ROBO1: variants seen among roughly 807,000 people sequenced by gnomAD.
ROBO1 encodes the protein roundabout guidance receptor 1.
ROBO1 carries 149 observed loss-of-function variants against 195.9 expected under a neutral mutation model. That is an observed-to-expected ratio of 0.76 (90% confidence interval 0.67 to 0.87). The LOEUF (loss-of-function observed/expected upper bound fraction) is 0.87. Ranked by LOEUF, ROBO1 falls within the 40% of genes least tolerant of loss-of-function variation. The pLI is 0.00. For missense variants in ROBO1, 1,933 were observed against 2,068.3 expected, an observed-to-expected ratio of 0.93 and a Z score of 1.27; for synonymous variants, 816 against 733.2, an observed-to-expected ratio of 1.11 and a Z score of -1.82.
At chr3:79,655,965 A>G (rs1416394103) in intron 1 of ROBO1, among the ~76,000 whole-genome samples, 3 of 152,088 alleles carry the variant, frequency 2.0e-5, no homozygotes, top group South Asian at 2.1e-4. Flanking sequence ...CAACTTGGAT[A>G]TTCATTAATA....
intron 1 of ROBO1, among the ~76,000 whole-genome samples, chr3:79,614,212 C>T (rs1944750690): frequency 2.0e-5 from 3 of 152,046 alleles, no homozygotes; most frequent in South Asian, 2.1e-4. Context: ...TTTTCAACTA[C>T]ACATGACACA....
chr3:79,471,931 G>A lies in ROBO1; in HGVS notation c.88+117893C>T, dbSNP rs142205193. Reference sequence around the variant, plus strand: ...AGAGGAACATCACACACTGGGGCCTGTTGGGGGTTGGGGGGCTAGGGGAGG... The same window carrying A: ...AGAGGAACATCACACACTGGGGCCTATTGGGGGTTGGGGGGCTAGGGGAGG... On this transcript the variant is annotated intron_variant, in intron 2 of 30. Transcript: ENST00000464233. 2.2e-3 allele frequency among the ~76,000 whole-genome samples: 329 copies of A among 147,866 alleles called. 2 individuals are homozygous for A. Among genetic ancestry groups the A allele is most frequent in the African/African-American group, 7.7e-3 (307 of 40,000 alleles).
intron 3 of ROBO1, among the ~76,000 whole-genome samples, chr3:78,943,874 T>C (rs1182831625): frequency 1.3e-5 from 2 of 152,326 alleles, no homozygotes; most frequent in Non-Finnish European, 2.9e-5. Flanking sequence ...TCTCATAATG[T>C]ATAACCTTCA....
At chr3:79,431,491 C>T (rs982466725) in intron 2 of ROBO1, among the ~76,000 whole-genome samples, 6 of 151,936 alleles carry the variant, frequency 3.9e-5, no homozygotes, top group African/African-American at 4.8e-5. Context: ...CTGTTTTCTC[C>T]GGTTATCCCT....
chr3:79,167,683 C>G (rs947916069), intron 2 of ROBO1, among the ~76,000 whole-genome samples: 9 of 152,212 alleles, frequency 5.9e-5, no homozygotes, highest in Admixed American at 3.3e-4. Context: ...CCAGATCTTA[C>G]AATGACTAGT....
intron 3 of ROBO1, among the ~76,000 whole-genome samples, chr3:78,974,260 C>T (rs913501061): frequency 4.0e-5 from 6 of 151,448 alleles, no homozygotes; most frequent in African/African-American, 1.5e-4. Context: ...GAATATGTTT[C>T]AACAATGTCA....
intron 5 of ROBO1, among the ~76,000 whole-genome samples, chr3:78,724,010 C>A (rs1212573493): frequency 6.6e-6 from 1 of 151,912 alleles, no homozygotes; most frequent in Non-Finnish European, 1.5e-5. Context: ...GGTTAAGGAC[C>A]CCAAAGTAGA....
chr3:79,086,732 C>T lies in ROBO1; in HGVS notation c.172+38724G>A, dbSNP rs1053259310. ...CAGACTCCCCCGCTCCCCTGCCCTG[C>T]CCCGCTTACTAATATATATTCTACG... is the stretch of plus-strand genomic sequence containing the variant. On this transcript the variant is annotated intron_variant, in intron 3 of 30. Coordinates refer to ENST00000464233, the MANE Select transcript of ROBO1 (RefSeq NM_002941.4). Among the ~76,000 whole-genome samples, 7 of 152,232 alleles carry T rather than the reference C, an allele frequency of 4.6e-5. No individual in the cohort carries two copies. The East Asian group carries it at 5.8e-4, about 13-fold the overall frequency.
In ROBO1 at chr3:79,285,562, T is replaced by C. The variant is rs145592545; in HGVS notation, c.89-160023A>G. Among the ~76,000 whole-genome samples the C allele has an allele frequency of 3.5e-4, 53 of 152,286 alleles. 1 individual carries two copies. In the East Asian group the frequency reaches 9.9e-3, roughly 28 times the overall value. On this transcript the variant is annotated intron_variant, in intron 2 of 30. Transcript: ENST00000464233. ...AGAGGCACGAAAGAAGTCTTGATCA[T>C]GGGACCCTTCAAGGAAGCTGTGCAA...
chr3:79,662,542 G>A (rs770699690), intron 1 of ROBO1, among the ~76,000 whole-genome samples: 2 of 152,176 alleles, frequency 1.3e-5, no homozygotes, highest in Non-Finnish European at 2.9e-5. Flanking sequence ...CCTCAATGGA[G>A]TTTTTACCTT....
intron 2 of ROBO1, among the ~76,000 whole-genome samples, chr3:79,429,968 T>C (rs1271705539): frequency 1.3e-5 from 2 of 152,038 alleles, no homozygotes; most frequent in African/African-American, 2.4e-5. Context: ...TGAATTGTTA[T>C]ACCTTCTTCT....
chr3:79,452,014 CT>C (rs766753433), intron 2 of ROBO1, among the ~76,000 whole-genome samples: 2 of 151,646 alleles, frequency 1.3e-5, no homozygotes, highest in African/African-American at 4.8e-5. Context: ...CCTTATGCAA[CT>C]TTTTTTTATT....
chr3:79,693,356 A>G (rs1947348895), intron 1 of ROBO1, among the ~76,000 whole-genome samples: 1 of 151,172 alleles, frequency 6.6e-6, no homozygotes, highest in African/African-American at 2.4e-5. Context: ...TCACCTGTTA[A>G]TAAAATACAC....
At chr3:78,775,863 A>G (rs905654072) in intron 4 of ROBO1, among the ~76,000 whole-genome samples, 1 of 152,190 alleles carries the variant, frequency 6.6e-6, no homozygotes, top group Non-Finnish European at 1.5e-5. Flanking sequence ...GCTAAGGTCT[A>G]TGGACAGACT....
At chr3:79,281,792 C>T (rs922523636) in intron 2 of ROBO1, among the ~76,000 whole-genome samples, 25 of 152,044 alleles carry the variant, frequency 1.6e-4, no homozygotes, top group Non-Finnish European at 3.1e-4. Context: ...TTCTATTTTG[C>T]AAATGAGGCA....
At chr3:79,273,671 T>A (rs1377645834) in intron 2 of ROBO1, among the ~76,000 whole-genome samples, 3 of 151,244 alleles carry the variant, frequency 2.0e-5, no homozygotes, top group Non-Finnish European at 2.9e-5. Flanking sequence ...TTATCAATAA[T>A]AACATTGAAT....
chr3:78,943,561 G>A, intron 3 of ROBO1, among the ~76,000 whole-genome samples: 1 of 152,130 alleles, frequency 6.6e-6, no homozygotes. Context: ...ACTAGGCATT[G>A]CTTCAAGGAA....
intron 26 of ROBO1, among the ~76,000 whole-genome samples, chr3:78,619,842 AC>A (rs1704344560): frequency 6.6e-6 from 1 of 151,654 alleles, no homozygotes; most frequent in Non-Finnish European, 1.5e-5. Context: ...ACACGACGAA[AC>A]CCTGTCTCTA....
chr3:79,328,808 T>C (rs1458849660), intron 2 of ROBO1, among the ~76,000 whole-genome samples: 2 of 151,946 alleles, frequency 1.3e-5, no homozygotes, highest in African/African-American at 4.8e-5. Context: ...CCTCCCATCT[T>C]TCACCCAGAA....
Sources: gnomAD v4.1 joint callset for allele counts (sites outside exome capture counted in the v4.1 genomes callset) on GRCh38, gnomAD v4.1.1 for gene constraint, MANE v1.5 for transcripts, NCBI Gene and HGNC (gene_info 2026-07-23, HGNC 2026-07-21) for gene names.